CHST9: variants seen among roughly 807,000 people sequenced by gnomAD.
CHST9 encodes the protein GalNAc-4-sulfotransferase 2.
A neutral mutation model predicts 44.4 loss-of-function variants in CHST9; 41 were observed. The ratio of observed to expected loss-of-function variants is 0.92; its 90% CI spans 0.72 to 1.20. The LOEUF (loss-of-function observed/expected upper bound fraction) is 1.20. Among genes scored for constraint, CHST9 ranks in the 50% most tolerant of loss-of-function variants. The pLI, the probability that CHST9 is intolerant of heterozygous loss-of-function variation, is 0.00. For synonymous variants in CHST9, 171 were observed against 178.4 expected, an observed-to-expected ratio of 0.96 and a Z score of 0.33; for missense variants, 504 against 516.5, an observed-to-expected ratio of 0.98 and a Z score of 0.23.
At chr18:27,100,486 T>C (rs1415768205) in intron 2 of CHST9, among the ~76,000 whole-genome samples, 1 of 151,970 alleles carries the variant, frequency 6.6e-6, no homozygotes, top group Admixed American at 6.6e-5. Context: ...CACACACCTA[T>C]GGAAGGAAGA....
At chr18:26,931,262 T>C (rs547837103) in intron 5 of CHST9, among the ~76,000 whole-genome samples, 57 of 152,308 alleles carry the variant, frequency 3.7e-4, no homozygotes, top group African/African-American at 1.4e-3. Flanking sequence ...ACACGTCTTA[T>C]TGCACCTTGC....
intron 3 of CHST9, among the ~76,000 whole-genome samples, chr18:27,029,056 C>G (rs1208819803): frequency 6.6e-6 from 1 of 152,080 alleles, no homozygotes; most frequent in African/African-American, 2.4e-5. Flanking sequence ...TTCTTTTGCT[C>G]CCTCCCATTA....
intron 4 of CHST9, among the ~76,000 whole-genome samples, chr18:27,013,149 C>G (rs2057105916): frequency 1.3e-5 from 2 of 152,186 alleles, no homozygotes; most frequent in Admixed American, 1.3e-4. Flanking sequence ...TAATGACTTT[C>G]ATGACACATG....
Position 26,944,311 on chromosome 18 carries a change from C to T in CHST9, c.240+18G>A, listed in dbSNP as rs779894028. 44 of 1,593,436 alleles carry T rather than the reference C, an allele frequency of 2.8e-5. No individual in the cohort carries two copies. Among genetic ancestry groups the T allele is most frequent in the African/African-American group, 6.7e-5 (5 of 74,422 alleles). On this transcript the variant is annotated intron_variant, in intron 5 of 5. Coordinates refer to ENST00000618847, the MANE Select transcript of CHST9 (RefSeq NM_031422.6). ...AAACAAAATTCTATATTAGAGTTTA[C>T]GAGAAATGAGAGAATACCTGGTTGG...
chr18:26,981,004 A>T (rs1337523840), intron 4 of CHST9, among the ~76,000 whole-genome samples: 1 of 152,200 alleles, frequency 6.6e-6, no homozygotes, highest in African/African-American at 2.4e-5. Flanking sequence ...TATAGAAATG[A>T]TCATTAAATA....
intron 4 of CHST9, among the ~76,000 whole-genome samples, chr18:27,003,774 G>C (rs7234761): frequency 0.29 from 44,589 of 151,880 alleles, 7,803 homozygotes; most frequent in African/African-American, 0.49. Context: ...GAGTTTTTTT[G>C]CTATACTTTT....
At chr18:27,087,956 A>G (rs1276891550) in intron 2 of CHST9, among the ~76,000 whole-genome samples, 1 of 150,500 alleles carries the variant, frequency 6.6e-6, no homozygotes, top group African/African-American at 2.5e-5. Context: ...AAAATTCTTC[A>G]TCACTTCAAT....
intron 3 of CHST9, among the ~76,000 whole-genome samples, chr18:27,024,410 T>G (rs746091321): frequency 1.3e-4 from 20 of 152,212 alleles, no homozygotes; most frequent in Non-Finnish European, 2.1e-4. Flanking sequence ...TTTGAGCCTG[T>G]ACTCTTTATG....
intron 5 of CHST9, among the ~76,000 whole-genome samples, chr18:26,941,412 G>T (rs2056080391): frequency 6.6e-6 from 1 of 151,962 alleles, no homozygotes; most frequent in African/African-American, 2.4e-5. Context: ...ATATAATAAG[G>T]CAGTTTCCAA....
At chr18:27,053,188 G>GAAA in intron 2 of CHST9, among the ~76,000 whole-genome samples, 1 of 139,156 alleles carries the variant, frequency 7.2e-6, no homozygotes, top group African/African-American at 2.7e-5. Context: ...AGAAGAAGAA[G>GAAA]AAGAAGAAAG....
At chr18:27,066,032 G>T (rs189842528) in intron 2 of CHST9, among the ~76,000 whole-genome samples, 172 of 152,254 alleles carry the variant, frequency 1.1e-3, no homozygotes, top group East Asian at 2.3e-3. Flanking sequence ...CCCCAGTAAA[G>T]GTGGCATGTA....
intron 1 of CHST9, among the ~76,000 whole-genome samples, chr18:27,145,842 C>A (rs1298855515): frequency 6.6e-6 from 1 of 152,162 alleles, no homozygotes; most frequent in African/African-American, 2.4e-5. Flanking sequence ...CAAATTGAAT[C>A]CCTCAAGGGA....
chr18:27,049,229 G>C (rs986214924), intron 2 of CHST9, among the ~76,000 whole-genome samples: 9 of 152,048 alleles, frequency 5.9e-5, no homozygotes, highest in African/African-American at 2.2e-4. Flanking sequence ...GCAAGAGACC[G>C]GGGGGAGGCC....
intron 1 of CHST9, among the ~76,000 whole-genome samples, chr18:27,158,177 A>T (rs868794593): frequency 9.9e-5 from 15 of 152,284 alleles, no homozygotes; most frequent in Admixed American, 3.9e-4. Context: ...ATATGTATAC[A>T]TGTGCCATGT....
chr18:27,115,952 T>C (rs148535039), intron 2 of CHST9, among the ~76,000 whole-genome samples: 1 of 152,346 alleles, frequency 6.6e-6, no homozygotes, highest in East Asian at 1.9e-4. Flanking sequence ...TTTGGAGAAA[T>C]GTCTATTCAG....
At chr18:27,102,449 T>C (rs1417812377) in intron 2 of CHST9, among the ~76,000 whole-genome samples, 1 of 152,164 alleles carries the variant, frequency 6.6e-6, no homozygotes, top group Admixed American at 6.5e-5. Context: ...GCGCAAACTA[T>C]TGAAGATGGA....
At chr18:27,099,470 A>G (rs2058149432) in intron 2 of CHST9, among the ~76,000 whole-genome samples, 1 of 152,182 alleles carries the variant, frequency 6.6e-6, no homozygotes, top group African/African-American at 2.4e-5. Flanking sequence ...AGAATTGATA[A>G]GGAACTTAAA....
At chr18:27,055,646 T>G (rs72882319) in intron 2 of CHST9, among the ~76,000 whole-genome samples, 1 of 152,168 alleles carries the variant, frequency 6.6e-6, no homozygotes, top group Non-Finnish European at 1.5e-5. Context: ...ATCAATATAT[T>G]AAAATAATTT....
chr18:27,067,186 G>C (rs1377465588), intron 2 of CHST9, among the ~76,000 whole-genome samples: 2 of 151,786 alleles, frequency 1.3e-5, no homozygotes, highest in African/African-American at 4.8e-5. Flanking sequence ...GTCACTAGTG[G>C]ATAACTTGGC....
Sources: allele counts gnomAD v4.1 joint callset (sites outside exome capture counted in the v4.1 genomes callset), GRCh38; gene constraint gnomAD v4.1.1; transcripts MANE v1.5; gene names NCBI Gene and HGNC (gene_info 2026-07-23, HGNC 2026-07-21).